The following MAEA variants were observed in gnomAD, a reference collection of about 807,000 sequenced individuals.
The protein encoded by MAEA is E3 ubiquitin-protein transferase MAEA.
In MAEA, 22 loss-of-function variants were observed where a neutral mutation model predicts 46.2. That is an observed-to-expected ratio of 0.48 (90% CI 0.34 to 0.68). The LOEUF is 0.68. MAEA is among the 30% of genes least tolerant of loss of function. MAEA has a pLI of 0.01. For missense variants in MAEA, 393 were observed against 558.1 expected (o/e 0.70, Z 2.98); for synonymous variants, 246 against 222.6 (o/e 1.11, Z -0.94).
Position 1,311,871 on chromosome 4 carries a change from A to T in MAEA, c.70-108A>T. 1 of 949,944 alleles carries T rather than the reference A, an allele frequency of 1.1e-6. No homozygotes were observed. Among genetic ancestry groups the T allele is most frequent in the Non-Finnish European group, 1.6e-6 (1 of 626,436 alleles). 58.8% of individuals were successfully genotyped at this position (949,944 alleles called of 1,614,324 possible). A position where few individuals can be genotyped will look rare whatever the true frequency, so the allele number is the denominator to read the frequency against. On this transcript the variant is annotated intron_variant, in intron 1 of 8. Coordinates refer to ENST00000303400, the MANE Select transcript of MAEA (RefSeq NM_001017405.3). This position sits in a 1 kb window ranked among gnomAD's most constrained non-coding sequence, Gnocchi z 4.4. Reference sequence around the variant, plus strand: ...CTTTTGAGACCATGAACCTTCTGAGACTTCTGCCTCTACAAGTGCCATGAG... The same window carrying T: ...CTTTTGAGACCATGAACCTTCTGAGTCTTCTGCCTCTACAAGTGCCATGAG...
At chr4:1,303,523 G>A (rs1399376500) in intron 1 of MAEA, among the ~76,000 whole-genome samples, 2 of 152,126 alleles carry the variant, frequency 1.3e-5, no homozygotes, top group African/African-American at 4.8e-5. Context: ...GGAGTGGAGC[G>A]TCGCTGTATG....
At chr4:1,336,723 C>G in intron 6 of MAEA, 138 bp from the exon 7 acceptor site, 1 of 706,954 alleles carries the variant, frequency 1.4e-6, no homozygotes, top group South Asian at 1.8e-5. Flanking sequence ...TTTGTGCTGA[C>G]CCTTAGTGCA....
At chr4:1,290,575 A>G (rs543338559) in intron 1 of MAEA, among the ~76,000 whole-genome samples, 1 of 152,356 alleles carries the variant, frequency 6.6e-6, no homozygotes, top group South Asian at 2.1e-4. Context: ...TGCTCCTAGT[A>G]GAAGGAGCCG....
At chr4:1,329,867 C>T (rs1234959874) in intron 5 of MAEA, 1 of 985,494 alleles carries the variant, frequency 1.0e-6, no homozygotes, top group East Asian at 1.1e-4. Context: ...GCCCTCTCAC[C>T]TGCTGCCAGG....
chr4:1,332,735 G>T, intron 5 of MAEA, 22 bp from the exon 6 acceptor site: 1 of 1,591,074 alleles, frequency 6.3e-7, no homozygotes, highest in Admixed American at 1.7e-5. Flanking sequence ...AAACTTAAAT[G>T]TGCCAAAATG....
chr4:1,315,462 CAA>C lies in MAEA; in HGVS notation c.320_321del (p.Lys107ArgfsTer3). 2 of 1,613,872 alleles carry C rather than the reference CAA, an allele frequency of 1.2e-6. No homozygotes were observed. Among genetic ancestry groups the C allele is most frequent in the Non-Finnish European group, 1.7e-6 (2 of 1,180,006 alleles). On this transcript the variant is annotated frameshift_variant, in exon 3 of 9. Coordinates refer to ENST00000303400, the MANE Select transcript of MAEA (RefSeq NM_001017405.3). LOFTEE classifies it high-confidence loss of function. ...KLCKRRIEHL[K>X]EHSSDQPAAA... The stretch of plus-strand genomic sequence containing the variant: ...TGTGCAAGCGCCGGATCGAGCACCT[CAA>C]AGAGCATAGCAGCGACCAGCCCGCG...
chr4:1,332,724 C>CA, intron 5 of MAEA, 33 bp from the exon 6 acceptor site: 1 of 1,565,842 alleles, frequency 6.4e-7, no homozygotes, highest in Non-Finnish European at 8.8e-7. Context: ...AATTAAAACG[C>CA]AAACTTAAAT....
intron 4 of MAEA, among the ~76,000 whole-genome samples, chr4:1,326,809 G>A (rs1021495549): frequency 1.1e-4 from 16 of 152,342 alleles, no homozygotes; most frequent in African/African-American, 3.4e-4. Flanking sequence ...CTGGGGCCTC[G>A]GCACCGGCCC....
At chr4:1,327,879 C>T (rs1739050206) in intron 5 of MAEA, among the ~76,000 whole-genome samples, 176 bp downstream of exon 5, 1 of 152,190 alleles carries the variant, frequency 6.6e-6, no homozygotes, top group Admixed American at 6.5e-5. Context: ...CTGAATGGGA[C>T]TTGGGGAGTG....
intron 1 of MAEA, among the ~76,000 whole-genome samples, chr4:1,295,302 G>A (rs1012811683): frequency 6.6e-6 from 1 of 152,100 alleles, no homozygotes; most frequent in Admixed American, 6.5e-5. Context: ...TTTCAGAATC[G>A]TTATAGCTAG....
At chr4:1,310,902 C>A (rs934839133) in intron 1 of MAEA, among the ~76,000 whole-genome samples, 1 of 152,250 alleles carries the variant, frequency 6.6e-6, no homozygotes, top group South Asian at 2.1e-4. Flanking sequence ...GTCTCTGTTG[C>A]CCTGGCTGTC....
chr4:1,309,886 C>A (rs766230008), intron 1 of MAEA: 2 of 1,307,100 alleles, frequency 1.5e-6, no homozygotes, highest in South Asian at 2.3e-5. Context: ...GCGGACGGCC[C>A]GGCAGGGGTT....
At chr4:1,309,331 C>G in intron 1 of MAEA, 1 of 802,072 alleles carries the variant, frequency 1.2e-6, no homozygotes, top group African/African-American at 1.8e-5. Context: ...CTTTAAGGAG[C>G]CTGTGAAGGG....
rs1712403115 is a variant in MAEA at position 1,334,143 on chromosome 4, CTCACCCCTGCAT to C, written c.765+1279_765+1290del. Among the ~76,000 whole-genome samples the C allele has an allele frequency of 4.4e-5, 3 of 68,752 alleles. 1 individual carries two copies. Among genetic ancestry groups the C allele is most frequent in the South Asian group, 9.3e-4 (2 of 2,160 alleles). The allele number at this position is 68,752 out of a possible 152,430, so 45.1% of individuals were successfully genotyped here. On this transcript the variant is annotated intron_variant, in intron 6 of 8. Coordinates refer to ENST00000303400, the MANE Select transcript of MAEA (RefSeq NM_001017405.3). The stretch of plus-strand genomic sequence containing the variant: ...ATGCCCACCCCATGCCCACCATGTG[CTCACCCCTGCAT>C]CCACCCCCATGCCCACCCCTGTGCT...
intron 3 of MAEA, among the ~76,000 whole-genome samples, chr4:1,320,727 G>A (rs1412993054): frequency 6.6e-6 from 1 of 152,022 alleles, no homozygotes; most frequent in Non-Finnish European, 1.5e-5. Context: ...ACGCTATGAA[G>A]GGGCTTCAGA....
chr4:1,305,709 A>G (rs2108887172), intron 1 of MAEA, among the ~76,000 whole-genome samples: 1 of 152,178 alleles, frequency 6.6e-6, no homozygotes, highest in African/African-American at 2.4e-5. Flanking sequence ...AGCCAGTGGC[A>G]CCCACATGTG....
At position 1,322,943 on chromosome 4, in the gene MAEA, C is replaced by CCTTTTT. The variant is rs1560368750; in HGVS notation, c.579+440_579+441insCTTTTT. On this transcript the variant is annotated intron_variant, in intron 4 of 8. Coordinates refer to ENST00000303400, the MANE Select transcript of MAEA (RefSeq NM_001017405.3). Reference sequence around the variant, plus strand: ...CTGTGATATTGTTAATGAATACCCACTTTTTTTTTTTTTTTTTTTTTTTTT... The same window carrying CCTTTTT: ...CTGTGATATTGTTAATGAATACCCACCTTTTTTTTTTTTTTTTTTTTTTTTTTTTTT... Among the ~76,000 whole-genome samples the CCTTTTT allele has an allele frequency of 1.1e-4, 8 of 75,246 alleles. 2 individuals carry two copies. Among genetic ancestry groups the CCTTTTT allele is most frequent in the Admixed American group, 3.3e-4 (2 of 6,062 alleles). 49.4% of individuals were successfully genotyped at this position (75,246 alleles called of 152,430 possible). A position where few individuals can be genotyped will look rare whatever the true frequency, so the allele number is the denominator to read the frequency against.
At chr4:1,312,521 C>T (rs958522113) in intron 2 of MAEA, 5 of 213,324 alleles carry the variant, frequency 2.3e-5, no homozygotes, top group Admixed American at 5.4e-5. Context: ...CCTCCACCTC[C>T]GGGGTTCAGG....
chr4:1,325,649 C>T (rs989222058), intron 4 of MAEA, among the ~76,000 whole-genome samples: 5 of 152,220 alleles, frequency 3.3e-5, no homozygotes, highest in African/African-American at 9.6e-5. Flanking sequence ...ACACGGCAGC[C>T]ATCAGGCAGC....
Sources: gnomAD v4.1 joint callset for allele counts (sites outside exome capture counted in the v4.1 genomes callset) on GRCh38, gnomAD v4.1.1 for gene constraint, Gnocchi (gnomAD v3.1) non-coding constraint, MANE v1.5 for transcripts, NCBI Gene and HGNC (gene_info 2026-07-23, HGNC 2026-07-21) for gene names.